The following GHDC variants were observed in gnomAD, a reference collection of about 807,000 sequenced individuals.
GHDC encodes GH3 domain-containing protein.
In GHDC, 39 loss-of-function variants were observed where a neutral mutation model predicts 51.5. That is an observed-to-expected ratio of 0.76 (90% CI 0.59 to 0.99). The LOEUF (loss-of-function observed/expected upper bound fraction) is 0.99. GHDC is among the 50% of genes least tolerant of loss of function. The pLI, the probability that GHDC is intolerant of heterozygous loss-of-function variation, is 0.00. For synonymous variants in GHDC, 282 were observed against 305.2 expected, an observed-to-expected ratio of 0.92 and a Z score of 0.79; for missense variants, 610 against 672.8, an observed-to-expected ratio of 0.91 and a Z score of 1.03.
rs577928619 is a variant in GHDC at position 42,189,766 on chromosome 17, C to T, written c.1530G>A (p.Ala510=). The T allele has an allele frequency of 6.6e-5, 102 of 1,534,644 alleles. No homozygotes were observed. Among genetic ancestry groups the T allele is most frequent in the African/African-American group, 1.8e-4 (13 of 73,314 alleles). Reference sequence around the variant, plus strand: ...GCCTGTGCCGAAGGACCCGGGGCATCGCAGGGGGGAAGGGGGAGGAGGGGC... The same window carrying T: ...GCCTGTGCCGAAGGACCCGGGGCATTGCAGGGGGGAAGGGGGAGGAGGGGC... The part of the protein sequence containing the change: ...AACPSSPFPP[A]MPRVLRHRHL... The change falls in exon 10 of 10, where the codon GCG becomes GCA. Residue 510 remains alanine (A), a synonymous_variant. Coordinates refer to ENST00000587427, the MANE Select transcript of GHDC (RefSeq NM_032484.5).
At chr17:42,190,398 G>C in intron 8 of GHDC, 128 bp from the exon 9 acceptor site, 1 of 1,558,000 alleles carries the variant, frequency 6.4e-7, no homozygotes, top group East Asian at 2.4e-5. Flanking sequence ...TTGGTGGGGA[G>C]TGGGGTAAAT....
chr17:42,192,949 A>G lies in GHDC; in HGVS notation c.344T>C (p.Leu115Pro), dbSNP rs751395178. The change falls in exon 4 of 10, where the codon CTG becomes CCG. Residue 115 changes from leucine to proline, a missense_variant. Transcript: ENST00000587427. ...AAGGTCCTGGTTTGAGGTCGGGGGC[A>G]GTGGCTGCTCTCCACTGTCTTCCTG... The part of the protein sequence containing the change: ...TQQEDSGEQP[L>P]PPTSNQDLGE... 38 of 1,613,768 alleles carry G rather than the reference A, an allele frequency of 2.4e-5. 1 individual carries two copies. The highest frequency in any genetic ancestry group is 1.1e-4 in the East Asian group (5 of 44,878).
intron 5 of GHDC, among the ~76,000 whole-genome samples, chr17:42,191,917 C>T (rs2079971691): frequency 6.6e-6 from 1 of 152,112 alleles, no homozygotes; most frequent in African/African-American, 2.4e-5. Context: ...CGTGCACCAC[C>T]ATACTCCGCT....
chr17:42,190,590 A>G, intron 8 of GHDC, 34 bp downstream of exon 8: 1 of 1,598,194 alleles, frequency 6.3e-7, no homozygotes, highest in South Asian at 1.1e-5. Flanking sequence ...GGGTAGCTCA[A>G]GGATGGTAGG....
rs1303905350 is a variant in GHDC, at chr17:42,192,379, G to A, written c.751C>T (p.Leu251=). ...REALEQGPRG[L]ALRLWPKLQV... ...AGCTTTGGCCAGAGCCGAAGGGCCA[G>A]TCCCCGTGGCCCCTGCTCTAGGGCC... Residue 251 remains leucine, a synonymous_variant, in exon 5 of 10, where the codon CTG becomes TTG. Transcript: ENST00000587427. 6 of 1,612,768 alleles carry A rather than the reference G, an allele frequency of 3.7e-6. No individual in the cohort carries two copies. The highest frequency in any genetic ancestry group is 1.7e-5 in the Admixed American group (1 of 59,996).
At chr17:42,190,440 G>A (rs2079959257) in intron 8 of GHDC, 170 bp from the exon 9 acceptor site, 4 of 1,471,052 alleles carry the variant, frequency 2.7e-6, no homozygotes, top group Non-Finnish European at 3.6e-6. Flanking sequence ...TCCTAAATAG[G>A]AGACAGATCA....
In GHDC at chr17:42,190,215, C is replaced by T; in HGVS notation, c.1344G>A (p.Leu448=). The stretch of plus-strand genomic sequence containing the variant: ...CTCGATTTTCCTCTGACAGATTCCT[C>T]AGCCCCCTCAGCGCCACAAACACCT... ...HYEVFVALRG[L]RNLSEENRDK... The change falls in exon 9 of 10, where the codon CTG becomes CTA. Residue 448 remains leucine, a synonymous_variant. Transcript: ENST00000587427. 6.2e-7 allele frequency: 1 copy of T among 1,614,118 alleles called. No homozygotes were observed. Among genetic ancestry groups the T allele is most frequent in the Non-Finnish European group, 8.5e-7 (1 of 1,180,010 alleles).
rs1598286846 is a variant in GHDC, at chr17:42,193,378, C to T, written c.204G>A (p.Gln68=). The change falls in exon 3 of 10, where the codon CAG becomes CAA. Residue 68 remains glutamine, a synonymous_variant. Coordinates refer to ENST00000587427, the MANE Select transcript of GHDC (RefSeq NM_032484.5). Reference sequence around the variant, plus strand: ...CTCCCTGTAGACACCACCTCAGGGCCTGCTGCTGGCTCTGGTGCACATGGA... The same window carrying T: ...CTCCCTGTAGACACCACCTCAGGGCTTGCTGCTGGCTCTGGTGCACATGGA... ...STLHVHQSQQ[Q]ALRWCLQGAQ... 6.2e-7 allele frequency: 1 copy of T among 1,602,902 alleles called. No individual in the cohort carries two copies. The highest frequency in any genetic ancestry group is 8.5e-7 in the Non-Finnish European group (1 of 1,175,170).
rs2079965688 is a variant in GHDC at position 42,191,128 on chromosome 17, G to T, written c.972C>A (p.Leu324=). ...CCTCCTGGGTGCCTTCCTTGACTGGGAGCAGCTCGATAAAGGGGGCCCCAG... is the reference window on the plus strand; with the variant it reads ...CCTCCTGGGTGCCTTCCTTGACTGGTAGCAGCTCGATAAAGGGGGCCCCAG... ...LPPGAPFIEL[L]PVKEGTQEEA... The change falls in exon 6 of 10, where the codon CTC becomes CTA. Residue 324 remains leucine, a synonymous_variant. Transcript: ENST00000587427. 1 of 1,558,424 alleles carries T rather than the reference G, an allele frequency of 6.4e-7. No individual in the cohort carries two copies. The highest frequency in any genetic ancestry group is 8.6e-7 in the Non-Finnish European group (1 of 1,157,292).
Position 42,192,931 on chromosome 17 carries a change from T to C in GHDC, c.362A>G (p.Gln121Arg). Reference sequence around the variant, plus strand: ...CTGCAGAGAGGCCTCCCCAAGGTCCTGGTTTGAGGTCGGGGGCAGTGGCTG... The same window carrying C: ...CTGCAGAGAGGCCTCCCCAAGGTCCCGGTTTGAGGTCGGGGGCAGTGGCTG... ...GEQPLPPTSN[Q>R]DLGEASLQAT... Residue 121 changes from glutamine to arginine, a missense_variant, in exon 4 of 10, where the codon CAG (glutamine) becomes CGG (arginine). By Grantham distance (43) the Gln-to-Arg change is conservative (BLOSUM62 1). Coordinates refer to ENST00000587427, the MANE Select transcript of GHDC (RefSeq NM_032484.5). The C allele has an allele frequency of 6.2e-7, 1 of 1,613,972 alleles. No homozygotes were observed. Among genetic ancestry groups the C allele is most frequent in the Non-Finnish European group, 8.5e-7 (1 of 1,179,994 alleles).
rs975911234 is a variant in GHDC, at chr17:42,189,731, T to C, written c.1565A>G (p.Gln522Arg). Residue 522 changes from glutamine to arginine, a missense_variant, in exon 10 of 10, where the codon CAG becomes CGG. Physicochemically the swap from Gln to Arg is conservative, Grantham distance 43. This residue lies in a region of GHDC where 412 missense variants were observed against 410.4 expected (regional missense o/e 1.00). Coordinates refer to ENST00000587427, the MANE Select transcript of GHDC (RefSeq NM_032484.5). ...GGACACCACCCTCTCCTGCAGACAC[T>C]GGGCCAGGTGCCTGTGCCGAAGGAC... ...PRVLRHRHLA[Q>R]CLQERVVS 6.7e-7 allele frequency: 1 copy of C among 1,501,542 alleles called. No individual in the cohort carries two copies. Among genetic ancestry groups the C allele is most frequent in the Non-Finnish European group, 8.9e-7 (1 of 1,125,842 alleles). The allele number at this position is 1,501,542 out of a possible 1,614,324, so 93.0% of individuals were successfully genotyped here.
At position 42,189,774 on chromosome 17, in the gene GHDC, G is replaced by A. The variant is rs1367019399; in HGVS notation, c.1522C>T (p.Pro508Ser). Residue 508 changes from proline to serine, a missense_variant, in exon 10 of 10, where the codon CCC becomes TCC. Coordinates refer to ENST00000587427, the MANE Select transcript of GHDC (RefSeq NM_032484.5). ...ALAACPSSPFPPAMPRVLRHR... is the reference protein window; with the variant it reads ...ALAACPSSPFSPAMPRVLRHR... ...CGAAGGACCCGGGGCATCGCAGGGGGGAAGGGGGAGGAGGGGCAGGCAGCG... is the reference window on the plus strand; with the variant it reads ...CGAAGGACCCGGGGCATCGCAGGGGAGAAGGGGGAGGAGGGGCAGGCAGCG... The A allele has an allele frequency of 2.6e-6, 4 of 1,541,180 alleles. No individual in the cohort carries two copies. The South Asian group carries it at 3.7e-5, about 14-fold the overall frequency.
rs777803156 is a variant in GHDC, at chr17:42,191,025, G to A, written c.1075C>T (p.Leu359Phe). Residue 359 changes from leucine to phenylalanine, a missense_variant, in exon 6 of 10, where the codon CTC (leucine) becomes TTC (phenylalanine). Leu to Phe is a conservative substitution (Grantham distance 22). This residue lies in a region of GHDC where 412 missense variants were observed against 410.4 expected (regional missense o/e 1.00). Transcript: ENST00000587427. ...YELVLTDRASLTRCRLGDVVR... is the reference protein window; with the variant it reads ...YELVLTDRASFTRCRLGDVVR... The stretch of plus-strand genomic sequence containing the variant: ...GGCTGTGCAGCTGATCACCTGGTGA[G>A]GCTGGCGCGGTCCGTCAGCACCAGC... 1 of 1,577,432 alleles carries A rather than the reference G, an allele frequency of 6.3e-7. No homozygotes were observed. The highest frequency in any genetic ancestry group is 8.6e-7 in the Non-Finnish European group (1 of 1,162,374).
intron 8 of GHDC, 148 bp from the exon 9 acceptor site, chr17:42,190,418 C>T: frequency 6.6e-7 from 1 of 1,519,668 alleles, no homozygotes; most frequent in Non-Finnish European, 8.9e-7. Context: ...TGGAGAGGAA[C>T]CTAGAGCTTG....
Position 42,190,608 on chromosome 17 carries a change from C to G in GHDC, c.1288+16G>C. 1 of 1,605,438 alleles carries G rather than the reference C, an allele frequency of 6.2e-7. No individual in the cohort carries two copies. Among genetic ancestry groups the G allele is most frequent in the Non-Finnish European group, 8.5e-7 (1 of 1,177,468 alleles). On this transcript the variant is annotated intron_variant, in intron 8 of 9. Coordinates refer to ENST00000587427, the MANE Select transcript of GHDC (RefSeq NM_032484.5). Reference sequence around the variant, plus strand: ...TAGCTCAAGGATGGTAGGCAGGAGCCGGTGGGGAGGCTCACCCAGAATGCT... The same window carrying G: ...TAGCTCAAGGATGGTAGGCAGGAGCGGGTGGGGAGGCTCACCCAGAATGCT...
rs2079973773 is a variant in GHDC, at chr17:42,192,229, A to G, written c.889+12T>C. 1 of 1,520,960 alleles carries G rather than the reference A, an allele frequency of 6.6e-7. No homozygotes were observed. Among genetic ancestry groups the G allele is most frequent in the Non-Finnish European group, 8.8e-7 (1 of 1,135,444 alleles). 94.2% of individuals were successfully genotyped at this position (1,520,960 alleles called of 1,614,324 possible). A position where few individuals can be genotyped will look rare whatever the true frequency, so the allele number is the denominator to read the frequency against. ...CGTTGCCCCCACCTCACTGCCCTTG[A>G]GTCCCACTGACCTCCCGAGGCAGCA... On this transcript the variant is annotated intron_variant, in intron 5 of 9. Transcript: ENST00000587427.
chr17:42,189,977 G>A, intron 9 of GHDC, 56 bp from the exon 10 acceptor site: 2 of 1,391,260 alleles, frequency 1.4e-6, no homozygotes, highest in East Asian at 2.5e-5. Flanking sequence ...TGCACACGAG[G>A]CGTGTGTGGC....
chr17:42,193,436 G>A lies in GHDC; in HGVS notation c.146C>T (p.Thr49Ile). The A allele has an allele frequency of 6.4e-7, 1 of 1,558,940 alleles. No individual in the cohort carries two copies. Among genetic ancestry groups the A allele is most frequent in the South Asian group, 1.2e-5 (1 of 84,598 alleles). Residue 49 changes from threonine (T) to isoleucine (I), a missense_variant, in exon 3 of 10, where the codon ACC becomes ATC. Thr to Ile is a moderately conservative substitution (Grantham distance 89). Coordinates refer to ENST00000587427, the MANE Select transcript of GHDC (RefSeq NM_032484.5). ...CTGCTCCAGCCTCCGCCGCTGCCAG[G>A]TGGCTGCCCAGACCAGGGCCCCCCA... is the stretch of plus-strand genomic sequence containing the variant. Reference protein sequence around the residue: ...VAWGALVWAATWQRRRLEQST... With the variant: ...VAWGALVWAAIWQRRRLEQST...
chr17:42,191,265 G>C, intron 5 of GHDC, 55 bp from the exon 6 acceptor site: 12 of 1,444,270 alleles, frequency 8.3e-6, no homozygotes, highest in South Asian at 7.6e-5. Flanking sequence ...CTTTCTGCCA[G>C]GCAATAGCCC....
Sources: gnomAD v4.1 joint callset for allele counts (sites outside exome capture counted in the v4.1 genomes callset) on GRCh38, gnomAD v4.1.1 for gene constraint, gnomAD v4.1.1 regional missense constraint, MANE v1.5 for transcripts, NCBI Gene and HGNC (gene_info 2026-07-23, HGNC 2026-07-21) for gene names.